The following SPHKAP variants were observed in gnomAD, a reference collection of about 807,000 sequenced individuals.
SPHKAP encodes SPHK1 interactor, AKAP domain containing.
Under a neutral mutation model 137.5 loss-of-function variants are expected in SPHKAP, and 67 were observed. The ratio of observed to expected loss-of-function variants is 0.49; its 90% CI spans 0.40 to 0.60. SPHKAP has a LOEUF of 0.60. SPHKAP is among the 20% of genes least tolerant of loss of function. SPHKAP has a pLI of 0.00. For missense variants in SPHKAP, 2,097 were observed against 2,069.3 expected (o/e 1.01, Z -0.26); for synonymous variants, 813 against 785.3 (o/e 1.04, Z -0.59).
chr2:228,059,425 A>G (rs536907945), intron 3 of SPHKAP, among the ~76,000 whole-genome samples: 2 of 152,342 alleles, frequency 1.3e-5, no homozygotes, highest in African/African-American at 4.8e-5. Context: ...CATTTTCTAT[A>G]TCAATTTCTA....
chr2:228,124,102 G>A (rs920799435), intron 2 of SPHKAP, among the ~76,000 whole-genome samples: 3 of 151,932 alleles, frequency 2.0e-5, no homozygotes, highest in Non-Finnish European at 4.4e-5. Flanking sequence ...AGGAGAGGAT[G>A]TGGAGAAATA....
intron 3 of SPHKAP, among the ~76,000 whole-genome samples, chr2:228,101,362 T>C (rs1698177013): frequency 6.6e-6 from 1 of 152,234 alleles, no homozygotes; most frequent in Admixed American, 6.5e-5. Context: ...ACTTTTTATA[T>C]ACAGTTACAT....
At chr2:228,129,531 A>T (rs1448945043) in intron 2 of SPHKAP, among the ~76,000 whole-genome samples, 3 of 152,102 alleles carry the variant, frequency 2.0e-5, no homozygotes, top group African/African-American at 4.8e-5. Flanking sequence ...TTTTGAATGT[A>T]TTTAGGTCGG....
chr2:228,181,253 C>T lies in SPHKAP; in HGVS notation c.32+314G>A, dbSNP rs576358029. On this transcript the variant is annotated intron_variant, in intron 1 of 11. Transcript: ENST00000392056. The surrounding 1 kb of genome is among the most constrained non-coding windows in gnomAD (Gnocchi z 4.3). ...CTCCAAGCTGTGTCCGCGGAAAGTCCGGCTCCTGGCTCCACCTAGGGCAGA... is the reference window on the plus strand; with the variant it reads ...CTCCAAGCTGTGTCCGCGGAAAGTCTGGCTCCTGGCTCCACCTAGGGCAGA... 1.3e-5 allele frequency among the ~76,000 whole-genome samples: 2 copies of T among 152,278 alleles called. No homozygotes were observed. The highest frequency in any genetic ancestry group is 6.5e-5 in the Admixed American group (1 of 15,300).
At chr2:228,045,181 G>T (rs370419504) in intron 3 of SPHKAP, among the ~76,000 whole-genome samples, 66 of 151,354 alleles carry the variant, frequency 4.4e-4, no homozygotes, top group Middle Eastern at 3.4e-3. Flanking sequence ...ATTGTGGAAG[G>T]CAGTGTGGCG....
At chr2:228,163,469 C>A (rs1348929483) in intron 1 of SPHKAP, among the ~76,000 whole-genome samples, 2 of 152,102 alleles carry the variant, frequency 1.3e-5, no homozygotes, top group Non-Finnish European at 2.9e-5. Context: ...CTAAGTGACC[C>A]ACTACCAGCT....
intron 7 of SPHKAP, among the ~76,000 whole-genome samples, chr2:227,998,053 C>G (rs1281741297): frequency 6.6e-6 from 1 of 152,180 alleles, no homozygotes; most frequent in Non-Finnish European, 1.5e-5. Flanking sequence ...GATGCCCAGG[C>G]TGAAGTGCAG....
intron 3 of SPHKAP, among the ~76,000 whole-genome samples, chr2:228,101,697 C>T (rs987371272): frequency 6.6e-6 from 1 of 152,218 alleles, no homozygotes; most frequent in Non-Finnish European, 1.5e-5. Context: ...CTCAATATTA[C>T]ATAGCTGGAA....
intron 2 of SPHKAP, among the ~76,000 whole-genome samples, chr2:228,124,066 T>C (rs1315625553): frequency 4.6e-5 from 7 of 151,458 alleles, no homozygotes. Flanking sequence ...ATGGCAATCA[T>C]TAAAAAGTCA....
intron 9 of SPHKAP, among the ~76,000 whole-genome samples, chr2:227,992,773 A>G (rs531355465): frequency 1.3e-5 from 2 of 152,360 alleles, no homozygotes; most frequent in Admixed American, 6.5e-5. Context: ...AGTTATAGAT[A>G]GTGATTGAGA....
chr2:228,104,283 C>CATAATATCATATATT (rs57584447), intron 3 of SPHKAP, among the ~76,000 whole-genome samples: 2 of 140,816 alleles, frequency 1.4e-5, no homozygotes, highest in African/African-American at 5.2e-5. Flanking sequence ...TATTATATAT[C>CATAATATCATATATT]ATTATATCAT....
intron 5 of SPHKAP, among the ~76,000 whole-genome samples, chr2:228,023,258 C>T (rs747771741): frequency 5.3e-5 from 8 of 152,176 alleles, no homozygotes; most frequent in Non-Finnish European, 1.2e-4. Context: ...TAAAATTCCC[C>T]TAAATGCATA....
intron 3 of SPHKAP, among the ~76,000 whole-genome samples, chr2:228,104,111 A>G (rs919896058): frequency 6.6e-6 from 1 of 151,112 alleles, no homozygotes; most frequent in Non-Finnish European, 1.5e-5. Context: ...ATTTTTAAAG[A>G]AAAAAACACT....
chr2:228,123,317 G>T (rs1698969422), intron 2 of SPHKAP, among the ~76,000 whole-genome samples: 1 of 152,108 alleles, frequency 6.6e-6, no homozygotes, highest in African/African-American at 2.4e-5. Context: ...GCAAAAACTG[G>T]CTAGGCCATT....
At chr2:228,085,353 G>T (rs1431269435) in intron 3 of SPHKAP, among the ~76,000 whole-genome samples, 1 of 152,136 alleles carries the variant, frequency 6.6e-6, no homozygotes, top group Non-Finnish European at 1.5e-5. Flanking sequence ...TTCATCCATG[G>T]ATTTCTGGTT....
intron 7 of SPHKAP, among the ~76,000 whole-genome samples, chr2:228,004,329 A>G (rs1000820626): frequency 7.2e-5 from 11 of 151,930 alleles, no homozygotes; most frequent in African/African-American, 2.7e-4. Flanking sequence ...TTTCTTCTAG[A>G]TTTTCTAGTT....
intron 3 of SPHKAP, among the ~76,000 whole-genome samples, chr2:228,040,333 C>CTGTT (rs1411323907): frequency 1.3e-5 from 2 of 152,108 alleles, no homozygotes; most frequent in African/African-American, 4.8e-5. Context: ...CAAAAGGCTT[C>CTGTT]TGTTAGATTC....
intron 2 of SPHKAP, among the ~76,000 whole-genome samples, chr2:228,120,118 G>A (rs1343378583): frequency 1.3e-5 from 2 of 152,096 alleles, no homozygotes; most frequent in African/African-American, 2.4e-5. Flanking sequence ...TAGTTAGAAG[G>A]GTTGGGAAGG....
At chr2:228,063,834 G>C (rs1696741213) in intron 3 of SPHKAP, among the ~76,000 whole-genome samples, 1 of 152,192 alleles carries the variant, frequency 6.6e-6, no homozygotes, top group Admixed American at 6.5e-5. Flanking sequence ...TTACAGGAAT[G>C]CATTATTTCA....
Sources: gnomAD v4.1 joint callset for allele counts (sites outside exome capture counted in the v4.1 genomes callset) on GRCh38, gnomAD v4.1.1 for gene constraint, Gnocchi (gnomAD v3.1) non-coding constraint, MANE v1.5 for transcripts, NCBI Gene and HGNC (gene_info 2026-07-23, HGNC 2026-07-21) for gene names.